AP3S2: variants seen among roughly 807,000 people sequenced by gnomAD.
The protein encoded by AP3S2 is AP-3 complex subunit sigma-2.
AP3S2 carries 22 observed loss-of-function variants against 23.4 expected under a neutral mutation model. The ratio of observed to expected loss-of-function variants is 0.94; its 90% CI spans 0.67 to 1.34. The LOEUF is 1.34. Among genes scored for constraint, AP3S2 ranks in the 40% most tolerant of loss-of-function variants. AP3S2 has a pLI of 0.00. For missense variants in AP3S2, 241 were observed against 236.9 expected (o/e 1.02, Z -0.11); for synonymous variants, 86 against 87.1 (o/e 0.99, Z 0.07).
chr15:89,840,171 C>A (rs1479768475), intron 4 of AP3S2, among the ~76,000 whole-genome samples: 1 of 152,020 alleles, frequency 6.6e-6, no homozygotes, highest in Non-Finnish European at 1.5e-5. Context: ...ATACTTAATG[C>A]CACAGAACTG....
rs183225591 is a variant in AP3S2 at position 89,893,199 on chromosome 15, A to C, written c.69+682T>G. ...AGTTCCACCAGTCCCCCAATTATGT[A>C]ACATTTTGAAACCCTGCCATGAAGA... On this transcript the variant is annotated intron_variant, in intron 1 of 5. Transcript: ENST00000336418. 4.1e-3 allele frequency: 622 copies of C among 152,426 alleles called. 5 individuals are homozygous for C. Among genetic ancestry groups the C allele is most frequent in the Non-Finnish European group, 4.2e-3 (289 of 68,102 alleles). 9.4% of individuals were successfully genotyped at this position (152,426 alleles called of 1,614,324 possible).
intron 4 of AP3S2, among the ~76,000 whole-genome samples, chr15:89,858,493 A>AAGAGAGAGAGAGAG (rs143172663): frequency 8.3e-5 from 5 of 60,306 alleles, no homozygotes; most frequent in Admixed American, 6.1e-4. Flanking sequence ...GAAAGAAAGA[A>AAGAGAGAGAGAGAG]AGAGAGAGAG....
intron 4 of AP3S2, among the ~76,000 whole-genome samples, chr15:89,862,517 A>G (rs1202794253): frequency 1.2e-4 from 18 of 152,250 alleles, no homozygotes; most frequent in Non-Finnish European, 2.5e-4. Flanking sequence ...GTATATAGAC[A>G]TAAAAGCAAG....
chr15:89,848,308 T>G (rs571727253), intron 4 of AP3S2, among the ~76,000 whole-genome samples: 41 of 152,264 alleles, frequency 2.7e-4, no homozygotes, highest in Non-Finnish European at 5.0e-4. Context: ...TGAAAAAGAA[T>G]TGTTAATCAC....
chr15:89,840,668 T>TC (rs1388814195), intron 4 of AP3S2, among the ~76,000 whole-genome samples: 1 of 152,078 alleles, frequency 6.6e-6, no homozygotes, highest in Admixed American at 6.6e-5. Flanking sequence ...CCTCAGATGA[T>TC]CCCCCTGCCT....
intron 4 of AP3S2, chr15:89,848,524 C>G (rs997195396): frequency 1.3e-5 from 2 of 152,300 alleles, no homozygotes; most frequent in African/African-American, 4.8e-5. Context: ...CCACACCTGG[C>G]TAATTTTTTG....
intron 1 of AP3S2, chr15:89,893,561 A>C (rs938524594): frequency 2.2e-5 from 9 of 403,930 alleles, no homozygotes; most frequent in Non-Finnish European, 3.9e-5. Flanking sequence ...TGTGACTTCA[A>C]TCACTCAAGT....
chr15:89,857,098 C>T (rs2141860504), intron 4 of AP3S2, among the ~76,000 whole-genome samples: 1 of 152,162 alleles, frequency 6.6e-6, no homozygotes, highest in East Asian at 1.9e-4. Context: ...TGGAGAACTA[C>T]AATACCGAAG....
Position 89,859,583 on chromosome 15 carries a change from C to T in AP3S2, c.345+11892G>A, listed in dbSNP as rs182006136. On this transcript the variant is annotated intron_variant, in intron 4 of 5. Coordinates refer to ENST00000336418, the MANE Select transcript of AP3S2 (RefSeq NM_005829.5). ...GTAATTTTTGTATTTTTAGTAGAGA[C>T]GGAGTTTCACCACGTTGGCCAGGCT... Among the ~76,000 whole-genome samples the T allele has an allele frequency of 2.3e-3, 341 of 151,366 alleles. 1 individual carries two copies. The highest frequency in any genetic ancestry group is 7.9e-3 in the African/African-American group (324 of 41,260).
chr15:89,874,422 A>T (rs1896393974), intron 3 of AP3S2, among the ~76,000 whole-genome samples: 1 of 152,158 alleles, frequency 6.6e-6, no homozygotes, highest in Admixed American at 6.6e-5. Flanking sequence ...TGTTTATTTC[A>T]CCTGGGTGCA....
chr15:89,856,536 T>G (rs912434389), intron 4 of AP3S2, among the ~76,000 whole-genome samples: 12 of 151,664 alleles, frequency 7.9e-5, no homozygotes, highest in African/African-American at 2.9e-4. Context: ...CCGTCTCTAC[T>G]AAAAAAATAC....
chr15:89,883,592 T>C (rs1332185353), intron 3 of AP3S2, among the ~76,000 whole-genome samples: 1 of 152,052 alleles, frequency 6.6e-6, no homozygotes, highest in Non-Finnish European at 1.5e-5. Context: ...TTGCCCAGGC[T>C]GGTCTTGAAC....
At chr15:89,835,752 G>T in intron 5 of AP3S2, 109 bp from the exon 6 acceptor site, 1 of 1,460,426 alleles carries the variant, frequency 6.8e-7, no homozygotes, top group Non-Finnish European at 9.0e-7. Flanking sequence ...AGCAGGATGG[G>T]TGTGGTGGCT....
chr15:89,856,719 AAAT>A (rs1895847733), intron 4 of AP3S2, among the ~76,000 whole-genome samples: 1 of 148,846 alleles, frequency 6.7e-6, no homozygotes, highest in African/African-American at 2.6e-5. Context: ...AAAAAAAAAA[AAAT>A]ATTCGCTGGG....
chr15:89,841,012 T>G (rs1301131334), intron 4 of AP3S2, among the ~76,000 whole-genome samples: 2 of 152,158 alleles, frequency 1.3e-5, no homozygotes, highest in Non-Finnish European at 2.9e-5. Context: ...ACGCTCAGAG[T>G]AGGCATGCTA....
chr15:89,887,729 G>A (rs1392763596), intron 3 of AP3S2, among the ~76,000 whole-genome samples: 3 of 152,146 alleles, frequency 2.0e-5, no homozygotes, highest in African/African-American at 7.2e-5. Context: ...GGAGTGCAGT[G>A]GCATGATCTC....
intron 4 of AP3S2, among the ~76,000 whole-genome samples, chr15:89,862,958 A>C (rs1275038412): frequency 1.3e-5 from 2 of 152,270 alleles, no homozygotes; most frequent in East Asian, 3.9e-4. Context: ...TATGGATGAG[A>C]TTTATGCTAG....
intron 4 of AP3S2, among the ~76,000 whole-genome samples, chr15:89,848,220 A>G (rs1895543869): frequency 6.6e-6 from 1 of 152,234 alleles, no homozygotes; most frequent in Admixed American, 6.5e-5. Flanking sequence ...AGACAAAAAC[A>G]CTAATCAAAT....
chr15:89,853,017 T>TA (rs1053793978), intron 4 of AP3S2, among the ~76,000 whole-genome samples: 9 of 151,574 alleles, frequency 5.9e-5, no homozygotes, highest in East Asian at 5.8e-4. Flanking sequence ...GTCCCCAACT[T>TA]AAAAAAAAAT....
Sources: allele counts gnomAD v4.1 joint callset (sites outside exome capture counted in the v4.1 genomes callset), GRCh38; gene constraint gnomAD v4.1.1; transcripts MANE v1.5; gene names NCBI Gene and HGNC (gene_info 2026-07-23, HGNC 2026-07-21).